Variants in LRBA observed in about 807,000 individuals in gnomAD.
The protein encoded by LRBA is lipopolysaccharide-responsive and beige-like anchor protein.
Under a neutral mutation model 330.0 loss-of-function variants are expected in LRBA, and 176 were observed. That is an observed-to-expected ratio of 0.53 (90% CI 0.47 to 0.60). The LOEUF (loss-of-function observed/expected upper bound fraction) is 0.60. Among genes scored for constraint, LRBA ranks in the 20% least tolerant of loss-of-function variants. The probability of loss-of-function intolerance (pLI) is 0.00; values close to 1 mark genes in which losing one functional copy is unlikely to be tolerated. For synonymous variants in LRBA, 1,230 were observed against 1,193.0 expected (o/e 1.03, Z -0.64); for missense variants, 3,259 against 3,444.8 (o/e 0.95, Z 1.35).
intron 47 of LRBA, among the ~76,000 whole-genome samples, chr4:150,353,817 C>T (rs1229796480): frequency 1.3e-5 from 2 of 152,130 alleles, no homozygotes; most frequent in Non-Finnish European, 1.5e-5. Context: ...TTGATAAACA[C>T]GTTACCTTCA....
chr4:150,979,185 G>A (rs571195101), intron 2 of LRBA, among the ~76,000 whole-genome samples: 11 of 152,166 alleles, frequency 7.2e-5, no homozygotes, highest in South Asian at 4.1e-4. Flanking sequence ...CAATACATCC[G>A]GCAGCTGACT....
chr4:150,474,371 A>G (rs1308743410), intron 42 of LRBA, among the ~76,000 whole-genome samples: 1 of 152,212 alleles, frequency 6.6e-6, no homozygotes, highest in African/African-American at 2.4e-5. Context: ...ACTGAGTACA[A>G]TGAAAATGAG....
intron 37 of LRBA, among the ~76,000 whole-genome samples, chr4:150,621,247 GCT>G (rs1776262119): frequency 6.6e-6 from 1 of 152,102 alleles, no homozygotes; most frequent in Non-Finnish European, 1.5e-5. Context: ...TGATTCAAAT[GCT>G]CTTTTTATAC....
At chr4:150,833,959 T>C (rs1457117215) in intron 28 of LRBA, among the ~76,000 whole-genome samples, 1 of 152,226 alleles carries the variant, frequency 6.6e-6, no homozygotes, top group African/African-American at 2.4e-5. Context: ...TCATCATGAA[T>C]GGATTCCATT....
chr4:150,884,784 C>CA (rs549214670), intron 17 of LRBA, among the ~76,000 whole-genome samples: 2 of 151,524 alleles, frequency 1.3e-5, no homozygotes, highest in South Asian at 4.2e-4. Flanking sequence ...TGCAAAAAAA[C>CA]AAAAAAGAGT....
chr4:150,663,399 T>C (rs943412072), intron 37 of LRBA, among the ~76,000 whole-genome samples: 3 of 151,900 alleles, frequency 2.0e-5, no homozygotes, highest in Non-Finnish European at 4.4e-5. Flanking sequence ...CACAAAAGAG[T>C]ATCATTTCCA....
intron 47 of LRBA, among the ~76,000 whole-genome samples, chr4:150,404,511 G>T (rs1430242539): frequency 6.6e-6 from 1 of 152,128 alleles, no homozygotes; most frequent in Non-Finnish European, 1.5e-5. Context: ...AGAACATGTG[G>T]CAGGCACTGT....
At chr4:150,420,301 T>C (rs997519161) in intron 46 of LRBA, among the ~76,000 whole-genome samples, 4 of 147,062 alleles carry the variant, frequency 2.7e-5, no homozygotes, top group African/African-American at 4.9e-5. Context: ...ATACACATTA[T>C]AGTATAAAGT....
At chr4:150,842,572 A>C (rs1188786616) in intron 28 of LRBA, among the ~76,000 whole-genome samples, 6 of 152,236 alleles carry the variant, frequency 3.9e-5, no homozygotes, top group Non-Finnish European at 2.9e-5. Context: ...TTTGGTCCTC[A>C]AACTGACCAC....
chr4:150,881,745 CA>C (rs1347490391), intron 17 of LRBA, among the ~76,000 whole-genome samples: 2 of 152,072 alleles, frequency 1.3e-5, no homozygotes, highest in African/African-American at 4.8e-5. Flanking sequence ...TTTAACGTAT[CA>C]AAAAACTATC....
At chr4:150,303,873 G>T (rs1167361599) in intron 52 of LRBA, among the ~76,000 whole-genome samples, 1 of 152,156 alleles carries the variant, frequency 6.6e-6, no homozygotes, top group African/African-American at 2.4e-5. Context: ...GTGCCCAGCA[G>T]CCCTCACCCT....
At chr4:150,537,619 C>T (rs928394694) in intron 40 of LRBA, among the ~76,000 whole-genome samples, 1 of 152,094 alleles carries the variant, frequency 6.6e-6, no homozygotes, top group Non-Finnish European at 1.5e-5. Context: ...CTATAGGAAA[C>T]TTCATTCAAC....
intron 30 of LRBA, among the ~76,000 whole-genome samples, chr4:150,818,532 C>CTGTGTGTG (rs74479974): frequency 0.058 from 8,385 of 145,806 alleles, 338 homozygotes; most frequent in Middle Eastern, 0.089. Context: ...TGACGAATGT[C>CTGTGTGTG]TGTGTGTGTG....
chr4:150,302,862 G>A, intron 52 of LRBA, 70 bp from the exon 53 acceptor site: 1 of 1,148,316 alleles, frequency 8.7e-7, no homozygotes, highest in South Asian at 2.0e-5. Context: ...CAGATAACTT[G>A]TAAAACAACG....
chr4:150,719,751 TCCTCTTCTA>T (rs1437959455), intron 36 of LRBA, among the ~76,000 whole-genome samples: 6 of 152,108 alleles, frequency 3.9e-5, no homozygotes, highest in Non-Finnish European at 8.8e-5. Flanking sequence ...GTTACCTCTT[TCCTCTTCTA>T]CCTGGAGATG....
chr4:150,636,865 T>C (rs1192675215), intron 37 of LRBA, among the ~76,000 whole-genome samples: 1 of 152,082 alleles, frequency 6.6e-6, no homozygotes, highest in Non-Finnish European at 1.5e-5. Context: ...CTCAGGCTGG[T>C]CTCAAACTTC....
chr4:150,427,498 G>A (rs556267426), intron 46 of LRBA, among the ~76,000 whole-genome samples: 17 of 151,844 alleles, frequency 1.1e-4, no homozygotes, highest in African/African-American at 3.6e-4. Flanking sequence ...TATAAGTTAC[G>A]TATAAAAAGC....
chr4:150,849,713 G>T, intron 24 of LRBA, 138 bp from the exon 25 acceptor site: 1 of 663,568 alleles, frequency 1.5e-6, no homozygotes, highest in Non-Finnish European at 2.7e-6. Context: ...CAGGCATTTG[G>T]AGGGTGTATA....
chr4:150,321,251 C>T lies in LRBA; in HGVS notation c.7570G>A (p.Ala2524Thr), dbSNP rs541209804. Reference sequence around the variant, plus strand: ...CTGTTAGCAGTGACTGTGATCACAGCGGGAGTTGCCAAACCAGGCTGGGTG... The same window carrying T: ...CTGTTAGCAGTGACTGTGATCACAGTGGGAGTTGCCAAACCAGGCTGGGTG... ...ANTQPGLATPAVITVTANRLF... is the reference protein window; with the variant it reads ...ANTQPGLATPTVITVTANRLF... The change falls in exon 50 of 57, where the codon GCT becomes ACT. Residue 2524 changes from alanine (A) to threonine (T), a missense_variant. By Grantham distance (58) the Ala-to-Thr change is moderately conservative (BLOSUM62 0). Coordinates refer to ENST00000651943, the MANE Select transcript of LRBA (RefSeq NM_001364905.1). This position sits in a 1 kb window ranked among gnomAD's most constrained non-coding sequence, Gnocchi z 4.5. The T allele has an allele frequency of 7.6e-5, 122 of 1,612,128 alleles. 2 individuals are homozygous for T. In the South Asian group the frequency reaches 1.1e-3, roughly 15 times the overall value.
Sources: allele counts gnomAD v4.1 joint callset (sites outside exome capture counted in the v4.1 genomes callset), GRCh38; gene constraint gnomAD v4.1.1; non-coding constraint Gnocchi (gnomAD v3.1); transcripts MANE v1.5; gene names NCBI Gene and HGNC (gene_info 2026-07-23, HGNC 2026-07-21).